The following ADARB2 variants were observed in gnomAD, a reference collection of about 807,000 sequenced individuals.
ADARB2 encodes the protein inactive double-stranded RNA-specific editase B2.
Under a neutral mutation model 62.2 loss-of-function variants are expected in ADARB2, and 25 were observed. The observed-to-expected ratio is 0.40, with a 90% CI of 0.29 to 0.56. The LOEUF (loss-of-function observed/expected upper bound fraction) is 0.56, where lower values mean the gene tolerates loss of function less well. Among genes scored for constraint, ADARB2 ranks in the 20% least tolerant of loss-of-function variants. The pLI is 0.43. For synonymous variants in ADARB2, 572 were observed against 500.8 expected (o/e 1.14, Z -1.90); for missense variants, 1,071 against 1,077.4 (o/e 0.99, Z 0.08).
intron 6 of ADARB2, among the ~76,000 whole-genome samples, chr10:1,228,279 C>G (rs1023816637): frequency 6.6e-6 from 1 of 152,180 alleles, no homozygotes; most frequent in African/African-American, 2.4e-5. Context: ...GCTGTAAGAA[C>G]TGAGTTTACC....
chr10:1,322,525 A>G (rs1211766827), intron 3 of ADARB2, among the ~76,000 whole-genome samples: 2 of 152,192 alleles, frequency 1.3e-5, no homozygotes, highest in African/African-American at 2.4e-5. Context: ...AAAAGAAGAG[A>G]TGATACCTAT....
chr10:1,558,745 A>AC (rs1832747287), intron 1 of ADARB2, among the ~76,000 whole-genome samples: 3 of 113,854 alleles, frequency 2.6e-5, no homozygotes, highest in Non-Finnish European at 3.8e-5. Flanking sequence ...TCTAAACTCG[A>AC]ATCCCACCTC....
At chr10:1,481,163 A>G (rs1233294125) in intron 1 of ADARB2, among the ~76,000 whole-genome samples, 1 of 152,242 alleles carries the variant, frequency 6.6e-6, no homozygotes, top group African/African-American at 2.4e-5. Context: ...AAACCTTTGC[A>G]TATGTAGTCA....
intron 1 of ADARB2, among the ~76,000 whole-genome samples, chr10:1,723,257 C>T (rs746739091): frequency 9.2e-5 from 14 of 152,222 alleles, no homozygotes; most frequent in Admixed American, 2.6e-4. Context: ...AGTGGCGATT[C>T]GCTCTACATT....
At chr10:1,410,274 T>G (rs1413654882) in intron 1 of ADARB2, among the ~76,000 whole-genome samples, 2 of 131,310 alleles carry the variant, frequency 1.5e-5, no homozygotes, top group African/African-American at 8.1e-5. Context: ...GCCGTGGTCA[T>G]GGGGAAGGAT....
intron 1 of ADARB2, among the ~76,000 whole-genome samples, chr10:1,519,416 T>C (rs572197886): frequency 6.6e-6 from 1 of 152,282 alleles, no homozygotes; most frequent in South Asian, 2.1e-4. Context: ...GTTTGTGTAG[T>C]GTCTGTATGT....
intron 1 of ADARB2, among the ~76,000 whole-genome samples, chr10:1,611,723 G>A (rs1164593160): frequency 6.6e-6 from 1 of 152,204 alleles, no homozygotes; most frequent in Non-Finnish European, 1.5e-5. Context: ...AGAAGTAGCG[G>A]ATTCATTTCA....
rs564621943 is a variant in ADARB2 at position 1,648,043 on chromosome 10, T to C, written c.100+89008A>G. Among the ~76,000 whole-genome samples the C allele has an allele frequency of 1.5e-3, 235 of 152,190 alleles. 1 individual carries two copies. The highest frequency in any genetic ancestry group is 5.4e-3 in the African/African-American group (224 of 41,460). On this transcript the variant is annotated intron_variant, in intron 1 of 9. Transcript: ENST00000381312. ...CTCTGAGAGGGATAATTTAGGGAAA[T>C]CCAAGAAGACTGCAGTTTAAAGCCA...
At chr10:1,685,623 C>T (rs1834588505) in intron 1 of ADARB2, among the ~76,000 whole-genome samples, 1 of 152,236 alleles carries the variant, frequency 6.6e-6, no homozygotes, top group Non-Finnish European at 1.5e-5. Flanking sequence ...TTTTTGCTTA[C>T]TACATTAAAA....
At chr10:1,364,218 A>G (rs888373640) in intron 2 of ADARB2, among the ~76,000 whole-genome samples, 2 of 152,212 alleles carry the variant, frequency 1.3e-5, no homozygotes, top group African/African-American at 4.8e-5. Context: ...CTGACTTTGT[A>G]CAAGTTTTGG....
intron 1 of ADARB2, among the ~76,000 whole-genome samples, chr10:1,413,676 C>T (rs927749083): frequency 2.0e-5 from 3 of 152,128 alleles, no homozygotes; most frequent in African/African-American, 2.4e-5. Flanking sequence ...CCCCTGGGGC[C>T]GGGCCTTCTG....
At chr10:1,582,502 T>C (rs1588311461) in intron 1 of ADARB2, among the ~76,000 whole-genome samples, 1 of 152,182 alleles carries the variant, frequency 6.6e-6, no homozygotes, top group African/African-American at 2.4e-5. Flanking sequence ...TCCATGCATT[T>C]TTTTCTTGAT....
chr10:1,696,185 TGC>T (rs1834742733), intron 1 of ADARB2, among the ~76,000 whole-genome samples: 1 of 63,650 alleles, frequency 1.6e-5, no homozygotes, highest in Non-Finnish European at 3.7e-5. Flanking sequence ...TATGCACACA[TGC>T]ATATATGTGT....
intron 3 of ADARB2, among the ~76,000 whole-genome samples, chr10:1,356,143 C>T (rs758587627): frequency 5.3e-5 from 8 of 152,148 alleles, no homozygotes; most frequent in Non-Finnish European, 1.0e-4. Flanking sequence ...ACCCAGGACA[C>T]GAAGAAAGCC....
At chr10:1,641,952 G>A (rs1833984207) in intron 1 of ADARB2, among the ~76,000 whole-genome samples, 2 of 152,158 alleles carry the variant, frequency 1.3e-5, no homozygotes, top group Non-Finnish European at 2.9e-5. Flanking sequence ...GCTGGAGGTT[G>A]AAGTGAGCCG....
Position 1,183,096 on chromosome 10 carries a change from C to G in ADARB2, c.*97G>C. ...GTGTTTCTGGGACACCAAAGTAAAA[C>G]GAATGCAGGGAACCGGCCGACCCGC... On this transcript the variant is annotated 3_prime_UTR_variant, in exon 10 of 10. Coordinates refer to ENST00000381312, the MANE Select transcript of ADARB2 (RefSeq NM_018702.4). 1 of 1,395,334 alleles carries G rather than the reference C, an allele frequency of 7.2e-7. No individual in the cohort carries two copies. Among genetic ancestry groups the G allele is most frequent in the Non-Finnish European group, 9.7e-7 (1 of 1,028,688 alleles). 86.4% of individuals were successfully genotyped at this position (1,395,334 alleles called of 1,614,324 possible).
chr10:1,510,132 CT>C (rs1228958555), intron 1 of ADARB2, among the ~76,000 whole-genome samples: 42 of 123,730 alleles, frequency 3.4e-4, no homozygotes, highest in African/African-American at 1.3e-3. Flanking sequence ...TTCTTTCTTT[CT>C]TTCTTTCTTT....
chr10:1,271,179 G>A, intron 3 of ADARB2, 110 bp from the exon 4 acceptor site: 2 of 815,436 alleles, frequency 2.5e-6, no homozygotes, highest in Non-Finnish European at 4.0e-6. Context: ...GGCCACACAT[G>A]GGCCTGCTCT....
intron 1 of ADARB2, among the ~76,000 whole-genome samples, chr10:1,508,515 C>T (rs947601810): frequency 3.3e-5 from 5 of 152,204 alleles, no homozygotes; most frequent in African/African-American, 9.6e-5. Context: ...CACAGTGGCT[C>T]ACGCCTGTAA....
Sources: allele counts gnomAD v4.1 joint callset (sites outside exome capture counted in the v4.1 genomes callset), GRCh38; gene constraint gnomAD v4.1.1; transcripts MANE v1.5; gene names NCBI Gene and HGNC (gene_info 2026-07-23, HGNC 2026-07-21).